Variants in FBXO42 observed in about 807,000 individuals in gnomAD.
FBXO42 encodes F-box only protein 42.
Under a neutral mutation model 71.7 loss-of-function variants are expected in FBXO42, and 12 were observed. The ratio of observed to expected loss-of-function variants is 0.17; its 90% confidence interval spans 0.11 to 0.27. The LOEUF (loss-of-function observed/expected upper bound fraction) is 0.27. Among genes scored for constraint, FBXO42 ranks in the 10% least tolerant of loss-of-function variants. FBXO42 has a pLI of 1.00. For synonymous variants in FBXO42, 325 were observed against 327.5 expected, an observed-to-expected ratio of 0.99 and a Z score of 0.08; for missense variants, 707 against 911.9, an observed-to-expected ratio of 0.78 and a Z score of 2.89.
At position 16,250,619 on chromosome 1, in the gene FBXO42, T is replaced by C. The variant is rs1372813003; in HGVS notation, c.*51A>G. The C allele has an allele frequency of 6.4e-7, 1 of 1,563,704 alleles. No homozygotes were observed. The highest frequency in any genetic ancestry group is 8.7e-7 in the Non-Finnish European group (1 of 1,155,912). On this transcript the variant is annotated 3_prime_UTR_variant, in exon 10 of 10. Coordinates refer to ENST00000375592, the MANE Select transcript of FBXO42 (RefSeq NM_018994.3). This position sits in a 1 kb window ranked among gnomAD's most constrained non-coding sequence, Gnocchi z 4.7. ...ATTCTCAGTCCAAATGCTTACACAC[T>C]GGAAAATTCCAAATTAAAAGCCACA... is the stretch of plus-strand genomic sequence containing the variant.
intron 4 of FBXO42, 188 bp downstream of exon 4, chr1:16,294,595 G>C (rs2082110459): frequency 1.7e-6 from 1 of 604,892 alleles, no homozygotes; most frequent in Admixed American, 3.4e-5. Context: ...TAATGATAAA[G>C]TATAATTTAA....
chr1:16,314,141 AG>A (rs2082341132), intron 2 of FBXO42, among the ~76,000 whole-genome samples: 1 of 152,100 alleles, frequency 6.6e-6, no homozygotes, highest in Admixed American at 6.6e-5. Flanking sequence ...TAGTAGAGAC[AG>A]GGTTTCACCA....
At chr1:16,349,587 G>A (rs192188229) in intron 1 of FBXO42, among the ~76,000 whole-genome samples, 4 of 152,328 alleles carry the variant, frequency 2.6e-5, no homozygotes, top group African/African-American at 7.2e-5. Flanking sequence ...AGGGCCGGGC[G>A]CAGTGGCTCA....
chr1:16,325,059 G>A (rs1331834319), intron 1 of FBXO42, among the ~76,000 whole-genome samples: 4 of 152,062 alleles, frequency 2.6e-5, no homozygotes, highest in Non-Finnish European at 5.9e-5. Flanking sequence ...GCAACAAAGT[G>A]AGACCCTGTC....
chr1:16,305,390 A>G (rs1430666877), intron 3 of FBXO42, among the ~76,000 whole-genome samples: 3 of 152,118 alleles, frequency 2.0e-5, no homozygotes, highest in Non-Finnish European at 2.9e-5. Flanking sequence ...TCCATTTCAA[A>G]ATAAATAAAT....
At chr1:16,347,567 A>C (rs1440526335) in intron 1 of FBXO42, among the ~76,000 whole-genome samples, 1 of 148,474 alleles carries the variant, frequency 6.7e-6, no homozygotes, top group African/African-American at 2.5e-5. Flanking sequence ...AAAAGTAGAA[A>C]TTTCAGGCAG....
intron 2 of FBXO42, among the ~76,000 whole-genome samples, chr1:16,308,607 C>T (rs942008295): frequency 6.6e-6 from 1 of 151,576 alleles, no homozygotes; most frequent in African/African-American, 2.4e-5. Context: ...ACAAGGGATC[C>T]TTCCACCTCA....
chr1:16,294,953 T>C (rs377288826), intron 3 of FBXO42, 36 bp from the exon 4 acceptor site: 612 of 1,552,568 alleles, frequency 3.9e-4, no homozygotes, highest in Non-Finnish European at 5.1e-4. Context: ...GCTGTGAAAA[T>C]TCTGAGGCCC....
At chr1:16,348,972 CTGAGA>C (rs757788425) in intron 1 of FBXO42, among the ~76,000 whole-genome samples, 1 of 152,126 alleles carries the variant, frequency 6.6e-6, no homozygotes, top group Non-Finnish European at 1.5e-5. Context: ...ACTTAGTAAT[CTGAGA>C]TATTTTAATT....
rs3830890 is a variant in FBXO42, at chr1:16,256,535, C to CAA, written c.656+69_656+70dup. On this transcript the variant is annotated intron_variant, in intron 5 of 9. Coordinates refer to ENST00000375592, the MANE Select transcript of FBXO42 (RefSeq NM_018994.3). The stretch of plus-strand genomic sequence containing the variant: ...CTAATTCTCAAAGGGACTCTTGACA[C>CAA]AAAAAAACAAAGAATCCACTGATTT... 1.1e-3 allele frequency: 1,602 copies of CAA among 1,519,922 alleles called. 13 individuals carry two copies. In the African/African-American group the frequency reaches 0.018, roughly 17 times the overall value. 94.2% of individuals were successfully genotyped at this position (1,519,922 alleles called of 1,614,324 possible). A position where few individuals can be genotyped will look rare whatever the true frequency, so the allele number is the denominator to read the frequency against.
At chr1:16,281,095 T>C (rs915787890) in intron 4 of FBXO42, among the ~76,000 whole-genome samples, 1 of 152,176 alleles carries the variant, frequency 6.6e-6, no homozygotes, top group African/African-American at 2.4e-5. Context: ...CCCGAGTAGC[T>C]GGGATTACAG....
At chr1:16,276,417 C>T (rs2100489310) in intron 4 of FBXO42, among the ~76,000 whole-genome samples, 1 of 149,548 alleles carries the variant, frequency 6.7e-6, no homozygotes, top group East Asian at 2.0e-4. Flanking sequence ...GAAAAGAAAA[C>T]TGGAGAACTT....
intron 4 of FBXO42, chr1:16,293,132 T>C (rs7518158): frequency 0.35 from 53,110 of 152,168 alleles, 9,735 homozygotes; most frequent in African/African-American, 0.41. Context: ...ACTTTTTATA[T>C]GATTACCATT....
At chr1:16,270,157 CT>C (rs1448696988) in intron 4 of FBXO42, among the ~76,000 whole-genome samples, 1 of 152,082 alleles carries the variant, frequency 6.6e-6, no homozygotes, top group African/African-American at 2.4e-5. Flanking sequence ...CGCCCAGCCA[CT>C]TTCTCTTCTT....
At chr1:16,272,393 G>A (rs1051905271) in intron 4 of FBXO42, among the ~76,000 whole-genome samples, 1 of 151,830 alleles carries the variant, frequency 6.6e-6, no homozygotes, top group African/African-American at 2.4e-5. Context: ...CCGAGTAGCT[G>A]GGATTACAGG....
At chr1:16,342,603 T>G (rs942047039) in intron 1 of FBXO42, among the ~76,000 whole-genome samples, 1 of 145,688 alleles carries the variant, frequency 6.9e-6, no homozygotes, top group East Asian at 2.0e-4. Flanking sequence ...AAAAAAGTTA[T>G]AGTAATACCA....
At chr1:16,292,079 C>G (rs1291260786) in intron 4 of FBXO42, among the ~76,000 whole-genome samples, 1 of 152,182 alleles carries the variant, frequency 6.6e-6, no homozygotes, top group Admixed American at 6.5e-5. Flanking sequence ...GAGGGAGTAA[C>G]TAGATTCTTT....
intron 4 of FBXO42, among the ~76,000 whole-genome samples, chr1:16,277,950 G>C (rs567599688): frequency 5.9e-5 from 9 of 152,224 alleles, no homozygotes; most frequent in African/African-American, 1.9e-4. Context: ...GCTGAGGCAG[G>C]AGGATCACTT....
Position 16,302,402 on chromosome 1 carries a change from T to C in FBXO42, c.367+3401A>G, listed in dbSNP as rs567841501. Among the ~76,000 whole-genome samples, 100 of 152,312 alleles carry C rather than the reference T, an allele frequency of 6.6e-4. 1 individual carries two copies. Among genetic ancestry groups the C allele is most frequent in the Non-Finnish European group, 1.1e-3 (75 of 68,028 alleles). ...GAAAGAGGTTTAACTGACTCACAGT[T>C]CCACATGGCTGGAGAGGCCTCAGGA... On this transcript the variant is annotated intron_variant, in intron 3 of 9. Transcript: ENST00000375592.
Sources: gnomAD v4.1 joint callset for allele counts (sites outside exome capture counted in the v4.1 genomes callset) on GRCh38, gnomAD v4.1.1 for gene constraint, Gnocchi (gnomAD v3.1) non-coding constraint, MANE v1.5 for transcripts, NCBI Gene and HGNC (gene_info 2026-07-23, HGNC 2026-07-21) for gene names.